Variants in TSHZ1 observed in about 807,000 individuals in gnomAD.
The protein encoded by TSHZ1 is teashirt zinc finger homeobox 1, also known as teashirt homolog 1.
In TSHZ1, 12 loss-of-function variants were observed where a neutral mutation model predicts 67.1. That is an observed-to-expected ratio of 0.18 (90% CI 0.11 to 0.29). The LOEUF (loss-of-function observed/expected upper bound fraction) is 0.29. Among genes scored for constraint, TSHZ1 ranks in the 10% least tolerant of loss-of-function variants. The probability of loss-of-function intolerance (pLI) is 1.00; values close to 1 mark genes in which losing one functional copy is unlikely to be tolerated. For synonymous variants in TSHZ1, 632 were observed against 622.4 expected (o/e 1.02, Z -0.23); for missense variants, 1,305 against 1,413.9 (o/e 0.92, Z 1.23).
rs750938876 is a variant in TSHZ1, at chr18:75,286,038, A to G, written c.631A>G (p.Thr211Ala). Reference protein sequence around the residue: ...QAALAKTLQQTSSYGLLPEPS... With the variant: ...QAALAKTLQQASSYGLLPEPS... ...TGCACTGGCCAAGACGCTGCAGCAG[A>G]CGTCCTCGTATGGGCTGCTTCCTGA... Residue 211 changes from threonine (T) to alanine (A), a missense_variant, in exon 2 of 2, where the codon ACG becomes GCG. Around this residue, in one of 3 missense-constraint regions of TSHZ1, gnomAD observed 358 missense variants for 375.6 expected, o/e 0.95. Coordinates refer to ENST00000580243, the MANE Select transcript of TSHZ1 (RefSeq NM_001308210.2). This position sits in a 1 kb window ranked among gnomAD's most constrained non-coding sequence, Gnocchi z 5.1. 5 of 1,612,882 alleles carry G rather than the reference A, an allele frequency of 3.1e-6. No individual in the cohort carries two copies. The Admixed American group carries it at 5.0e-5, about 16-fold the overall frequency.
chr18:75,264,067 T>A (rs1233203345), intron 1 of TSHZ1, among the ~76,000 whole-genome samples: 2 of 152,242 alleles, frequency 1.3e-5, no homozygotes, highest in East Asian at 3.8e-4. Flanking sequence ...TTTTTCTCTT[T>A]GCTATAAATG....
intron 1 of TSHZ1, among the ~76,000 whole-genome samples, chr18:75,215,030 G>A (rs2022748393): frequency 6.6e-6 from 1 of 152,054 alleles, no homozygotes; most frequent in Non-Finnish European, 1.5e-5. Flanking sequence ...CCGAGACAAT[G>A]CTGCTTAATG....
chr18:75,232,038 C>T (rs1224904001), intron 1 of TSHZ1, among the ~76,000 whole-genome samples: 1 of 152,058 alleles, frequency 6.6e-6, no homozygotes, highest in East Asian at 1.9e-4. Flanking sequence ...CATGCCTCAG[C>T]CTCCCGAGTA....
chr18:75,276,466 A>AT (rs1407351451), intron 1 of TSHZ1, among the ~76,000 whole-genome samples: 1 of 152,084 alleles, frequency 6.6e-6, no homozygotes, highest in Non-Finnish European at 1.5e-5. Flanking sequence ...CTCTCTGTGC[A>AT]TTTTTTTGTT....
Position 75,288,737 on chromosome 18 carries a change from T to G in TSHZ1, c.*96T>G, listed in dbSNP as rs1290936904. 10 of 1,499,420 alleles carry G rather than the reference T, an allele frequency of 6.7e-6. No homozygotes were observed. The highest frequency in any genetic ancestry group is 8.9e-6 in the Non-Finnish European group (10 of 1,127,492). The allele number at this position is 1,499,420 out of a possible 1,614,324, so 92.9% of individuals were successfully genotyped here. ...CCTCTGAAATCAGTCTTTCCTTTGT[T>G]GCTGGCCCGCCTCTCTGGACCTTGG... On this transcript the variant is annotated 3_prime_UTR_variant, in exon 2 of 2. Transcript: ENST00000580243. This position sits in a 1 kb window ranked among gnomAD's most constrained non-coding sequence, Gnocchi z 4.9.
chr18:75,219,155 A>G (rs1251376060), intron 1 of TSHZ1, among the ~76,000 whole-genome samples: 1 of 152,234 alleles, frequency 6.6e-6, no homozygotes, highest in African/African-American at 2.4e-5. Flanking sequence ...TAGGTTGCTG[A>G]CAGAAGAGAA....
intron 1 of TSHZ1, among the ~76,000 whole-genome samples, chr18:75,226,866 C>T (rs1349182073): frequency 6.6e-6 from 1 of 152,184 alleles, no homozygotes; most frequent in Non-Finnish European, 1.5e-5. Flanking sequence ...ATGTTTCTGT[C>T]TTCAGAGCAT....
chr18:75,243,428 G>T (rs1392194014), intron 1 of TSHZ1, among the ~76,000 whole-genome samples: 1 of 152,080 alleles, frequency 6.6e-6, no homozygotes, highest in Non-Finnish European at 1.5e-5. Context: ...CTCTCTTAAT[G>T]AAGTGGAAAG....
intron 1 of TSHZ1, chr18:75,282,936 A>G (rs2023704164): frequency 6.6e-6 from 1 of 152,352 alleles, no homozygotes. Context: ...GCAGTGCGCC[A>G]GCAGTGACGG....
At position 75,285,890 on chromosome 18, in the gene TSHZ1, CA is replaced by C. The variant is rs1568369708; in HGVS notation, c.484del (p.Thr162ProfsTer100). ...ESSAPTPTPPTCPVSTTGPTT... is the reference protein window; with the variant it reads ...ESSAPTPTPPXCPVSTTGPTT... ...GCTCCGCCCCCACCCCCACACCCCC[CA>C]CCTGCCCCGTCAGCACCACTGGCCC... On this transcript the variant is annotated frameshift_variant, in exon 2 of 2. Transcript: ENST00000580243. LOFTEE classifies it high-confidence loss of function. 2 of 1,541,978 alleles carry C rather than the reference CA, an allele frequency of 1.3e-6. No individual in the cohort carries two copies. The highest frequency in any genetic ancestry group is 1.8e-6 in the Non-Finnish European group (2 of 1,142,040).
chr18:75,258,327 G>A (rs1036250118), intron 1 of TSHZ1, among the ~76,000 whole-genome samples: 7 of 152,188 alleles, frequency 4.6e-5, no homozygotes, highest in African/African-American at 1.7e-4. Flanking sequence ...ATATGAGCTT[G>A]TATCTCATAT....
At chr18:75,232,290 G>C (rs2023010190) in intron 1 of TSHZ1, among the ~76,000 whole-genome samples, 1 of 152,144 alleles carries the variant, frequency 6.6e-6, no homozygotes, top group Admixed American at 6.5e-5. Flanking sequence ...TCTCAGTTGA[G>C]TTTTAATGCG....
Position 75,249,392 on chromosome 18 carries a change from G to C in TSHZ1, c.41-36056G>C, listed in dbSNP as rs1026239770. Among the ~76,000 whole-genome samples the C allele has an allele frequency of 1.9e-4, 29 of 151,618 alleles. 1 individual carries two copies. The highest frequency in any genetic ancestry group is 6.5e-4 in the African/African-American group (27 of 41,330). ...GCCTTCTCCCTGCCCTACCCCTGCA[G>C]TAGGTGGCGCAGGGTGCAGGCGGGT... On this transcript the variant is annotated intron_variant, in intron 1 of 1. Coordinates refer to ENST00000580243, the MANE Select transcript of TSHZ1 (RefSeq NM_001308210.2).
At chr18:75,235,672 A>G (rs1181842691) in intron 1 of TSHZ1, among the ~76,000 whole-genome samples, 1 of 152,208 alleles carries the variant, frequency 6.6e-6, no homozygotes, top group African/African-American at 2.4e-5. Flanking sequence ...ATCAATATTA[A>G]CTTCATATGA....
intron 1 of TSHZ1, among the ~76,000 whole-genome samples, chr18:75,212,782 C>A (rs192383249): frequency 1.8e-4 from 28 of 152,304 alleles, no homozygotes; most frequent in Admixed American, 1.1e-3. Context: ...ACTCAGCTCA[C>A]CTACTAATCC....
chr18:75,214,715 TA>T (rs932427875), intron 1 of TSHZ1, among the ~76,000 whole-genome samples: 1 of 151,848 alleles, frequency 6.6e-6, no homozygotes, highest in African/African-American at 2.4e-5. Flanking sequence ...CCTCCTTATG[TA>T]AAAAAAATAA....
chr18:75,219,484 A>G (rs2022817311), intron 1 of TSHZ1, among the ~76,000 whole-genome samples: 1 of 152,234 alleles, frequency 6.6e-6, no homozygotes, highest in South Asian at 2.1e-4. Context: ...CTTGAGATAC[A>G]CTAAGCACCA....
chr18:75,229,766 G>GT (rs1001734993), intron 1 of TSHZ1, among the ~76,000 whole-genome samples: 28 of 152,190 alleles, frequency 1.8e-4, no homozygotes, highest in African/African-American at 6.5e-4. Flanking sequence ...CAGTGGACTG[G>GT]TTTTTTTGGA....
intron 1 of TSHZ1, among the ~76,000 whole-genome samples, chr18:75,272,528 G>C (rs539043618): frequency 6.6e-6 from 1 of 152,380 alleles, no homozygotes; most frequent in South Asian, 2.1e-4. Context: ...TCCTCTTTCA[G>C]AGTGGCCTTC....
Sources: gnomAD v4.1 joint callset for allele counts (sites outside exome capture counted in the v4.1 genomes callset) on GRCh38, gnomAD v4.1.1 for gene constraint, gnomAD v4.1.1 regional missense constraint, Gnocchi (gnomAD v3.1) non-coding constraint, MANE v1.5 for transcripts, NCBI Gene and HGNC (gene_info 2026-07-23, HGNC 2026-07-21) for gene names.